The following ABCA4 variants were observed in gnomAD, a reference collection of about 807,000 sequenced individuals.
ABCA4 encodes retinal-specific phospholipid-transporting ATPase ABCA4.
In ABCA4, 196 loss-of-function variants were observed where a neutral mutation model predicts 263.7. The observed-to-expected ratio is 0.74, with a 90% CI of 0.66 to 0.84. The LOEUF is 0.84. Ranked by LOEUF, ABCA4 falls within the 40% of genes least tolerant of loss-of-function variation. The probability of loss-of-function intolerance (pLI) is 0.00; values close to 1 mark genes in which losing one functional copy is unlikely to be tolerated. For missense variants in ABCA4, 2,792 were observed against 2,855.1 expected (o/e 0.98, Z 0.50); for synonymous variants, 1,133 against 1,094.2 (o/e 1.04, Z -0.70).
intron 24 of ABCA4, among the ~76,000 whole-genome samples, chr1:94,038,462 G>C (rs1020933981): frequency 1.3e-5 from 2 of 151,904 alleles, no homozygotes; most frequent in Non-Finnish European, 2.9e-5. Context: ...TTCTTTTTTT[G>C]TTGTTTAAAA....
At chr1:93,994,775 T>A (rs1295355353) in intron 49 of ABCA4, among the ~76,000 whole-genome samples, 2 of 152,140 alleles carry the variant, frequency 1.3e-5, no homozygotes, top group Non-Finnish European at 2.9e-5. Context: ...AATGATCTCA[T>A]CCAATAAGGG....
intron 6 of ABCA4, among the ~76,000 whole-genome samples, chr1:94,084,257 G>C (rs1457624729): frequency 6.6e-6 from 1 of 152,236 alleles, no homozygotes; most frequent in Non-Finnish European, 1.5e-5. Context: ...TAAGTGTAAA[G>C]ACAGTGGTTT....
At chr1:94,077,570 G>A in intron 11 of ABCA4, 120 bp downstream of exon 11, 1 of 941,034 alleles carries the variant, frequency 1.1e-6, no homozygotes, top group Non-Finnish European at 1.6e-6. Context: ...AGGGATTCTT[G>A]TTTCTTCAGT....
rs753292940 is a variant in ABCA4 at position 94,030,509 on chromosome 1, C to A, written c.4271G>T (p.Ser1424Ile). Residue 1424 changes from serine (S) to isoleucine (I), a missense_variant, in exon 29 of 50, where the codon AGT becomes ATT. By Grantham distance (142) the Ser-to-Ile change is moderately radical. Transcript: ENST00000370225. ...GTCTGCAAGTACCGTGAACTGCTCA[C>A]TGCCTGGTTCATCCATGCTAGACAG... The part of the protein sequence containing the change: ...YTFFSMDEPG[S>I]EQFTVLADVL... 2.5e-6 allele frequency: 4 copies of A among 1,614,124 alleles called. No individual in the cohort carries two copies. Among genetic ancestry groups the A allele is most frequent in the Non-Finnish European group, 3.4e-6 (4 of 1,180,040 alleles).
At chr1:94,042,007 G>A (rs988821195) in intron 22 of ABCA4, among the ~76,000 whole-genome samples, 9 of 150,096 alleles carry the variant, frequency 6.0e-5, no homozygotes, top group African/African-American at 2.0e-4. Context: ...GCTGAGGCAG[G>A]AGAATGGCTC....
intron 41 of ABCA4, 63 bp downstream of exon 41, chr1:94,008,688 A>T: frequency 3.1e-6 from 5 of 1,610,624 alleles, no homozygotes; most frequent in East Asian, 4.5e-5. Context: ...TAGAAGGAAA[A>T]TGGCAACATC....
chr1:94,034,392 C>A, intron 26 of ABCA4, among the ~76,000 whole-genome samples: 1 of 151,988 alleles, frequency 6.6e-6, no homozygotes, highest in East Asian at 1.9e-4. Context: ...CCATGTTGAT[C>A]CCTTCGTTCA....
chr1:94,120,883 CCCTG>C, intron 1 of ABCA4, 93 bp downstream of exon 1: 1 of 590,924 alleles, frequency 1.7e-6, no homozygotes. Flanking sequence ...CAACCCCCCA[CCCTG>C]CCCCACCACC....
intron 7 of ABCA4, among the ~76,000 whole-genome samples, chr1:94,082,940 CACTT>C (rs1661739749): frequency 6.6e-6 from 1 of 152,236 alleles, no homozygotes; most frequent in African/African-American, 2.4e-5. Flanking sequence ...ATAGGTAAAA[CACTT>C]AGAAGAAGAG....
intron 6 of ABCA4, among the ~76,000 whole-genome samples, chr1:94,088,202 CT>C (rs1314905910): frequency 6.6e-6 from 1 of 152,182 alleles, no homozygotes; most frequent in Non-Finnish European, 1.5e-5. Flanking sequence ...TCAAACCTCT[CT>C]GCTTTTCTCA....
chr1:94,090,859 G>T (rs554016653), intron 6 of ABCA4, among the ~76,000 whole-genome samples: 36 of 152,278 alleles, frequency 2.4e-4, no homozygotes, highest in African/African-American at 7.9e-4. Context: ...GAGGTTTTAG[G>T]TTCCATGAGG....
chr1:94,036,527 C>A (rs55720024), intron 26 of ABCA4, among the ~76,000 whole-genome samples: 1 of 151,994 alleles, frequency 6.6e-6, no homozygotes, highest in Non-Finnish European at 1.5e-5. Flanking sequence ...CAGGTGCGCG[C>A]CACCACACCT....
Position 94,079,313 on chromosome 1 carries a change from G to A in ABCA4, c.1239+9C>T, listed in dbSNP as rs776985109. ...AGGGTACACAAGGCAAGCCCAGCTG[G>A]GATCTTACATTCTTCAGTATCCTTC... On this transcript the variant is annotated intron_variant, in intron 9 of 49. Coordinates refer to ENST00000370225, the MANE Select transcript of ABCA4 (RefSeq NM_000350.3). The A allele has an allele frequency of 6.2e-7, 1 of 1,613,998 alleles. No homozygotes were observed. Among genetic ancestry groups the A allele is most frequent in the East Asian group, 2.2e-5 (1 of 44,880 alleles).
intron 38 of ABCA4, among the ~76,000 whole-genome samples, chr1:94,013,666 A>G (rs1431906872): frequency 1.3e-5 from 2 of 152,014 alleles, no homozygotes; most frequent in African/African-American, 2.4e-5. Context: ...CCCTCTTTTT[A>G]TGATTCAGTT....
Position 94,005,574 on chromosome 1 carries a change from G to C in ABCA4, c.6014C>G (p.Thr2005Ser), listed in dbSNP as rs1659356341. 3 of 1,613,996 alleles carry C rather than the reference G, an allele frequency of 1.9e-6. No homozygotes were observed. The highest frequency in any genetic ancestry group is 2.5e-6 in the Non-Finnish European group (3 of 1,179,898). Residue 2005 changes from threonine to serine, a missense_variant, in exon 44 of 50, where the codon ACC becomes AGC. Physicochemically the swap from Thr to Ser is moderately conservative, Grantham distance 58. Transcript: ENST00000370225. ...ATTTTGATGGACTTCAGAAATATTG[G>C]TTAAAATACTGCAAGAAAAAAAGCA... ...DATVAGKSIL[T>S]NISEVHQNMG...
chr1:94,046,606 C>G (rs758540067), intron 19 of ABCA4, among the ~76,000 whole-genome samples: 6 of 152,066 alleles, frequency 3.9e-5, no homozygotes, highest in Non-Finnish European at 5.9e-5. Flanking sequence ...AAACAAGAGG[C>G]AACTGTGGTG....
In ABCA4 at chr1:94,108,468, C is replaced by T. The variant is rs530063494; in HGVS notation, c.442+109G>A. The stretch of plus-strand genomic sequence containing the variant: ...AAGCCGCCTCCAGACCCCATCCCTT[C>T]CTGCCTCCGCTAGTATATTTTTCAC... On this transcript the variant is annotated intron_variant, in intron 4 of 49. Coordinates refer to ENST00000370225, the MANE Select transcript of ABCA4 (RefSeq NM_000350.3). 15 of 1,522,150 alleles carry T rather than the reference C, an allele frequency of 9.9e-6. No individual in the cohort carries two copies. The African/African-American group carries it at 1.6e-4, about 17-fold the overall frequency. 94.3% of individuals were successfully genotyped at this position (1,522,150 alleles called of 1,614,324 possible).
At chr1:94,019,808 C>G in intron 35 of ABCA4, 49 bp from the exon 36 acceptor site, 1 of 1,574,700 alleles carries the variant, frequency 6.4e-7, no homozygotes, top group Non-Finnish European at 8.6e-7. Flanking sequence ...GAGGGAAGAG[C>G]AGAAGGAGGA....
At chr1:94,032,219 AT>A (rs1413909604) in intron 26 of ABCA4, among the ~76,000 whole-genome samples, 176 bp from the exon 27 acceptor site, 1 of 152,182 alleles carries the variant, frequency 6.6e-6, no homozygotes, top group East Asian at 1.9e-4. Context: ...TAAATTACTT[AT>A]ACAGAGAAAT....
Sources: gnomAD v4.1 joint callset for allele counts (sites outside exome capture counted in the v4.1 genomes callset) on GRCh38, gnomAD v4.1.1 for gene constraint, MANE v1.5 for transcripts, NCBI Gene and HGNC (gene_info 2026-07-23, HGNC 2026-07-21) for gene names.